FOXP1: variants seen among roughly 807,000 people sequenced by gnomAD.
FOXP1 encodes the protein forkhead box protein P1.
A neutral mutation model predicts 98.2 loss-of-function variants in FOXP1; 15 were observed. That is an observed-to-expected ratio of 0.15 (90% confidence interval 0.10 to 0.24). The LOEUF (loss-of-function observed/expected upper bound fraction) is 0.24. FOXP1 is among the 10% of genes least tolerant of loss of function. The probability of loss-of-function intolerance (pLI) is 1.00; values close to 1 mark genes in which losing one functional copy is unlikely to be tolerated. For synonymous variants in FOXP1, 371 were observed against 314.5 expected, an observed-to-expected ratio of 1.18 and a Z score of -1.90; for missense variants, 633 against 848.5, an observed-to-expected ratio of 0.75 and a Z score of 3.15.
chr3:71,377,924 T>C (rs2079842960), intron 3 of FOXP1, among the ~76,000 whole-genome samples: 1 of 152,176 alleles, frequency 6.6e-6, no homozygotes, highest in African/African-American at 2.4e-5. Flanking sequence ...AGCAAAATAT[T>C]AGAATATTGT....
At chr3:71,247,085 C>G (rs2067810349) in intron 5 of FOXP1, among the ~76,000 whole-genome samples, 1 of 116,096 alleles carries the variant, frequency 8.6e-6, no homozygotes, top group African/African-American at 3.3e-5. Flanking sequence ...CCAGTGATCT[C>G]AGTGCTAGCA....
chr3:71,349,924 C>T (rs1022992630), intron 4 of FOXP1, among the ~76,000 whole-genome samples: 3 of 152,018 alleles, frequency 2.0e-5, no homozygotes, highest in African/African-American at 7.3e-5. Context: ...TTCCTTTGCC[C>T]CTAAGAATGT....
At chr3:71,331,775 C>T (rs549645977) in intron 4 of FOXP1, among the ~76,000 whole-genome samples, 91 of 152,184 alleles carry the variant, frequency 6.0e-4, no homozygotes, top group Non-Finnish European at 7.6e-4. Context: ...ATTGTAAATA[C>T]GCCAATCAGT....
At chr3:71,159,366 A>T (rs1380022049) in intron 6 of FOXP1, among the ~76,000 whole-genome samples, 1 of 152,192 alleles carries the variant, frequency 6.6e-6, no homozygotes, top group Non-Finnish European at 1.5e-5. Flanking sequence ...GGGTGACTTA[A>T]TAACTGCCTT....
chr3:71,220,877 T>C (rs2065320632), intron 5 of FOXP1, among the ~76,000 whole-genome samples: 1 of 150,732 alleles, frequency 6.6e-6, no homozygotes, highest in South Asian at 2.1e-4. Flanking sequence ...ATTTACTAAG[T>C]TCTGGTCCTC....
intron 5 of FOXP1, among the ~76,000 whole-genome samples, chr3:71,200,744 T>G (rs1048437380): frequency 1.3e-5 from 2 of 152,268 alleles, no homozygotes; most frequent in Admixed American, 1.3e-4. Flanking sequence ...TACAGATTTC[T>G]GCCCCATACA....
intron 9 of FOXP1, among the ~76,000 whole-genome samples, chr3:71,049,727 C>T (rs575704530): frequency 6.0e-4 from 92 of 152,132 alleles, no homozygotes; most frequent in Non-Finnish European, 1.1e-3. Flanking sequence ...CATCTGTCAA[C>T]AACCAAGTTC....
At chr3:71,213,145 G>A (rs1157996806) in intron 5 of FOXP1, among the ~76,000 whole-genome samples, 5 of 152,066 alleles carry the variant, frequency 3.3e-5, no homozygotes, top group Admixed American at 6.6e-5. Flanking sequence ...TAAATGAAGG[G>A]AGAAACTCTA....
intron 5 of FOXP1, among the ~76,000 whole-genome samples, chr3:71,198,836 T>C (rs919606874): frequency 2.0e-4 from 31 of 151,676 alleles, no homozygotes; most frequent in African/African-American, 7.3e-4. Flanking sequence ...GGATTACAGG[T>C]GCATGCCACC....
upstream of FOXP1, chr3:71,583,816 C>G: frequency 1.0e-6 from 1 of 987,250 alleles, no homozygotes; most frequent in Non-Finnish European, 1.2e-6. Flanking sequence ...GTGGCGGCGG[C>G]GGCGGCGGCA....
Position 71,316,947 on chromosome 3 carries a change from C to T in FOXP1, c.-72-17067G>A, listed in dbSNP as rs139780993. On this transcript the variant is annotated intron_variant, in intron 4 of 20. Coordinates refer to ENST00000649528, the MANE Select transcript of FOXP1 (RefSeq NM_001349338.3). ...CTGGGATTTCAAGCATGAGCCACTG[C>T]GCCTGGCCAGGGCAAATTCTTAAGG... Among the ~76,000 whole-genome samples, 1,115 of 152,184 alleles carry T rather than the reference C, an allele frequency of 7.3e-3. 30 individuals are homozygous for T. The highest frequency in any genetic ancestry group is 4.7e-3 in the Non-Finnish European group (319 of 68,016).
chr3:71,227,811 T>C (rs1381970991), intron 5 of FOXP1, among the ~76,000 whole-genome samples: 2 of 151,970 alleles, frequency 1.3e-5, no homozygotes, highest in Non-Finnish European at 2.9e-5. Flanking sequence ...TTACCTGCTA[T>C]TCATCGGCAA....
intron 4 of FOXP1, among the ~76,000 whole-genome samples, chr3:71,309,060 A>G (rs2074505827): frequency 2.0e-5 from 3 of 152,176 alleles, no homozygotes; most frequent in Non-Finnish European, 4.4e-5. Flanking sequence ...GCTTGCTGAT[A>G]AAACACAAGA....
At chr3:71,343,307 C>T (rs4281) in intron 4 of FOXP1, among the ~76,000 whole-genome samples, 13,106 of 152,146 alleles carry the variant, frequency 0.086, 626 homozygotes, top group South Asian at 0.15. Context: ...TTCTTATGTG[C>T]ATACATTGAT....
rs550508075 is a variant in FOXP1 at position 71,547,351 on chromosome 3, G to C, written c.-298+34198C>G. On this transcript the variant is annotated intron_variant, in intron 2 of 20. Transcript: ENST00000649528. ...CAGCAGGTTTGTGGAAACCCAGCAA[G>C]AACGCTCTTCTTTGAGGAAAGGAGG... Among the ~76,000 whole-genome samples, 50 of 152,322 alleles carry C rather than the reference G, an allele frequency of 3.3e-4. No individual in the cohort carries two copies. The South Asian group carries it at 4.4e-3, about 13-fold the overall frequency.
intron 3 of FOXP1, among the ~76,000 whole-genome samples, chr3:71,434,887 A>C (rs565492446): frequency 6.6e-6 from 1 of 152,120 alleles, no homozygotes; most frequent in East Asian, 1.9e-4. Flanking sequence ...TTTCAGCTTC[A>C]CCAAGGAGTC....
intron 2 of FOXP1, chr3:71,572,114 C>A (rs1466204791): frequency 6.6e-6 from 1 of 152,142 alleles, no homozygotes. Context: ...AACTCGCTAC[C>A]CTGCATATGT....
chr3:71,397,036 G>A (rs55688808), intron 3 of FOXP1, among the ~76,000 whole-genome samples: 17 of 39,142 alleles, frequency 4.3e-4, no homozygotes, highest in African/African-American at 9.0e-4. Context: ...ATATATATGT[G>A]TATATATATA....
intron 2 of FOXP1, among the ~76,000 whole-genome samples, chr3:71,517,385 A>G (rs181976930): frequency 2.6e-5 from 4 of 152,320 alleles, no homozygotes; most frequent in African/African-American, 9.6e-5. Context: ...TTGTCTAACC[A>G]TTGCCCAGGG....
Sources: allele counts gnomAD v4.1 joint callset (sites outside exome capture counted in the v4.1 genomes callset), GRCh38; gene constraint gnomAD v4.1.1; transcripts MANE v1.5; gene names NCBI Gene and HGNC (gene_info 2026-07-23, HGNC 2026-07-21).